EHBP1: variants seen among roughly 807,000 people sequenced by gnomAD.
EHBP1 encodes the protein EH domain binding protein 1, also known as EH domain-binding protein 1.
Under a neutral mutation model 144.0 loss-of-function variants are expected in EHBP1, and 55 were observed. That is an observed-to-expected ratio of 0.38 (90% CI 0.31 to 0.48). The LOEUF (loss-of-function observed/expected upper bound fraction) is 0.48. Among genes scored for constraint, EHBP1 ranks in the 20% least tolerant of loss-of-function variants. The pLI, the probability that EHBP1 is intolerant of heterozygous loss-of-function variation, is 0.98. For missense variants in EHBP1, 1,200 were observed against 1,364.2 expected, an observed-to-expected ratio of 0.88 and a Z score of 1.90; for synonymous variants, 469 against 472.7, an observed-to-expected ratio of 0.99 and a Z score of 0.10.
chr2:62,948,234 A>T, intron 12 of EHBP1, 26 bp from the exon 13 acceptor site: 1 of 1,517,540 alleles, frequency 6.6e-7, no homozygotes, highest in Non-Finnish European at 8.8e-7. Context: ...TGTTCAATAT[A>T]TCTTTTGTTT....
chr2:62,784,313 C>T (rs1387064612), intron 5 of EHBP1, among the ~76,000 whole-genome samples: 1 of 151,970 alleles, frequency 6.6e-6, no homozygotes, highest in East Asian at 1.9e-4. Flanking sequence ...TAAAGGAGAC[C>T]ATTGTTCTAC....
chr2:62,842,567 C>G (rs969452141), intron 7 of EHBP1, among the ~76,000 whole-genome samples: 1 of 152,160 alleles, frequency 6.6e-6, no homozygotes, highest in Non-Finnish European at 1.5e-5. Context: ...ATTTAATTCA[C>G]TTGTCACATA....
chr2:62,702,502 T>G (rs568820451), upstream of EHBP1, among the ~76,000 whole-genome samples: 1 of 152,258 alleles, frequency 6.6e-6, no homozygotes, highest in East Asian at 1.9e-4. Flanking sequence ...AAGAAAAGGG[T>G]AACTTCTAGC....
Position 62,799,021 on chromosome 2 carries a change from A to G in EHBP1, c.313-27066A>G, listed in dbSNP as rs557311537. On this transcript the variant is annotated intron_variant, in intron 5 of 22. Coordinates refer to ENST00000431489, the MANE Select transcript of EHBP1 (RefSeq NM_001142616.3). ...TCCGTCTCAAAAAAAAAAAAAAAAAAAAAAGAAATTCATGCTATAGGAAAT... is the reference window on the plus strand; with the variant it reads ...TCCGTCTCAAAAAAAAAAAAAAAAAGAAAAGAAATTCATGCTATAGGAAAT... Among the ~76,000 whole-genome samples the G allele has an allele frequency of 1.1e-3, 164 of 151,788 alleles. 2 individuals are homozygous for G. The highest frequency in any genetic ancestry group is 3.6e-3 in the African/African-American group (150 of 41,434).
intron 5 of EHBP1, among the ~76,000 whole-genome samples, chr2:62,820,699 G>C (rs1205808251): frequency 1.5e-5 from 2 of 130,726 alleles, no homozygotes; most frequent in Non-Finnish European, 3.2e-5. Context: ...AGGCTGAATA[G>C]TATTCCATTG....
intron 7 of EHBP1, 45 bp downstream of exon 7, chr2:62,831,203 G>T: frequency 6.5e-7 from 1 of 1,541,396 alleles, no homozygotes. Flanking sequence ...TTTTGTTGCA[G>T]AGTTCAAAAA....
intron 7 of EHBP1, among the ~76,000 whole-genome samples, chr2:62,847,904 C>G (rs930322548): frequency 1.3e-4 from 20 of 152,072 alleles, no homozygotes; most frequent in African/African-American, 4.8e-4. Flanking sequence ...AAATCCATCA[C>G]TTTTAATCAG....
At chr2:62,979,147 T>C (rs2058845082) in intron 14 of EHBP1, 41 bp from the exon 15 acceptor site, 1 of 1,569,536 alleles carries the variant, frequency 6.4e-7, no homozygotes, top group Non-Finnish European at 8.7e-7. Flanking sequence ...AAATTGCATT[T>C]CTGTCAATTA....
chr2:62,930,920 C>G (rs1041778852), intron 10 of EHBP1, among the ~76,000 whole-genome samples: 2 of 152,120 alleles, frequency 1.3e-5, no homozygotes, highest in African/African-American at 4.8e-5. Context: ...GACCATAAAT[C>G]TCTTAGAATA....
rs1157397512 is a variant in EHBP1 at position 62,957,641 on chromosome 2, C to CTTTTTTTTTTTTTTTTTTTTTTTTT, written c.2460+2003_2460+2004insTTTTTTTTTTTTTTTTTTTTTTTTT. ...TAAAATTAATATTTGAAAATAAATGCTTTTTTTTTTTTTTTTTTTTTTGAG... is the reference window on the plus strand; with the variant it reads ...TAAAATTAATATTTGAAAATAAATGCTTTTTTTTTTTTTTTTTTTTTTTTTTTTTTTTTTTTTTTTTTTTTTTGAG... On this transcript the variant is annotated intron_variant, in intron 14 of 22. Transcript: ENST00000431489. Among the ~76,000 whole-genome samples, 7 of 87,174 alleles carry CTTTTTTTTTTTTTTTTTTTTTTTTT rather than the reference C, an allele frequency of 8.0e-5. 3 individuals are homozygous for CTTTTTTTTTTTTTTTTTTTTTTTTT. The highest frequency in any genetic ancestry group is 3.6e-4 in the African/African-American group (7 of 19,488). The allele number at this position is 87,174 out of a possible 152,430, so 57.2% of individuals were successfully genotyped here. A position where few individuals can be genotyped will look rare whatever the true frequency, so the allele number is the denominator to read the frequency against.
chr2:62,811,819 C>T (rs1389320059), intron 5 of EHBP1, among the ~76,000 whole-genome samples: 1 of 152,156 alleles, frequency 6.6e-6, no homozygotes, highest in Non-Finnish European at 1.5e-5. Context: ...GAATTCTTTA[C>T]ATTTTGAAAT....
At chr2:62,828,301 T>A (rs1284814951) in intron 6 of EHBP1, among the ~76,000 whole-genome samples, 1 of 152,188 alleles carries the variant, frequency 6.6e-6, no homozygotes, top group Non-Finnish European at 1.5e-5. Flanking sequence ...TTGTAAATAA[T>A]AGATACATAT....
intron 6 of EHBP1, among the ~76,000 whole-genome samples, chr2:62,829,571 TTGTG>T (rs56847662): frequency 3.3e-4 from 47 of 142,348 alleles, no homozygotes; most frequent in Admixed American, 8.0e-4. Flanking sequence ...GTGTTCTATG[TTGTG>T]TGTGTGTGTG....
At chr2:62,812,791 G>GA (rs1233015425) in intron 5 of EHBP1, among the ~76,000 whole-genome samples, 2 of 152,136 alleles carry the variant, frequency 1.3e-5, no homozygotes. Context: ...TGCGTGTAGT[G>GA]AGATGTGAGT....
In EHBP1 at chr2:62,864,981, T is replaced by A. The variant is rs2049927920; in HGVS notation, c.998+10T>A. On this transcript the variant is annotated intron_variant, in intron 9 of 22. Coordinates refer to ENST00000431489, the MANE Select transcript of EHBP1 (RefSeq NM_001142616.3). ...AAGAAGAATTGGATGAGTAAGTACA[T>A]TTCATTTTGCTGTCATCACAAGTTA... is the stretch of plus-strand genomic sequence containing the variant. 13 of 1,610,852 alleles carry A rather than the reference T, an allele frequency of 8.1e-6. No individual in the cohort carries two copies. Among genetic ancestry groups the A allele is most frequent in the African/African-American group, 1.3e-5 (1 of 74,760 alleles).
chr2:62,734,383 G>C (rs1156588890), intron 2 of EHBP1, among the ~76,000 whole-genome samples: 4 of 148,546 alleles, frequency 2.7e-5, no homozygotes, highest in African/African-American at 7.4e-5. Flanking sequence ...TCTTATGTAA[G>C]GTGTGTGGCA....
At chr2:62,865,604 C>T (rs1366719714) in intron 9 of EHBP1, among the ~76,000 whole-genome samples, 2 of 152,150 alleles carry the variant, frequency 1.3e-5, no homozygotes, top group African/African-American at 4.8e-5. Flanking sequence ...ACCTCCACTT[C>T]CAGTCATGAT....
intron 19 of EHBP1, among the ~76,000 whole-genome samples, chr2:63,032,657 T>C (rs2061307146): frequency 6.6e-6 from 1 of 151,498 alleles, no homozygotes; most frequent in Admixed American, 6.6e-5. Flanking sequence ...ACTTCCAACC[T>C]TTAGAAATAG....
At chr2:62,988,079 C>A in intron 15 of EHBP1, 3 of 1,133,298 alleles carry the variant, frequency 2.6e-6, no homozygotes, top group South Asian at 1.3e-5. Context: ...TGCTGCATGG[C>A]AAACTTTATG....
Sources: allele counts gnomAD v4.1 joint callset (sites outside exome capture counted in the v4.1 genomes callset), GRCh38; gene constraint gnomAD v4.1.1; transcripts MANE v1.5; gene names NCBI Gene and HGNC (gene_info 2026-07-23, HGNC 2026-07-21).